The following IL1RAPL1 variants were observed in gnomAD, a reference collection of about 807,000 sequenced individuals.
IL1RAPL1 encodes the protein interleukin-1 receptor accessory protein-like 1.
A neutral mutation model predicts 48.4 loss-of-function variants in IL1RAPL1; 3 were observed. The ratio of observed to expected loss-of-function variants is 0.06; its 90% CI spans 0.03 to 0.16. IL1RAPL1 has a LOEUF of 0.16. Among genes scored for constraint, IL1RAPL1 ranks in the 10% least tolerant of loss-of-function variants. The probability of loss-of-function intolerance (pLI) is 1.00; values close to 1 mark genes in which losing one functional copy is unlikely to be tolerated. For missense variants in IL1RAPL1, 349 were observed against 530.6 expected (o/e 0.66, Z 3.36); for synonymous variants, 185 against 187.7 (o/e 0.99, Z 0.12).
chrX:28,669,932 CAA>C (rs1176114955), intron 1 of IL1RAPL1, among the ~76,000 whole-genome samples: 3 of 108,906 alleles, frequency 2.8e-5, no homozygotes, highest in African/African-American at 1.0e-4. Flanking sequence ...TGGATAAATA[CAA>C]AAGTTTTCTC....
intron 2 of IL1RAPL1, among the ~76,000 whole-genome samples, chrX:28,909,210 A>G (rs1923297668): frequency 1.8e-5 from 2 of 111,625 alleles, no homozygotes; most frequent in Non-Finnish European, 3.8e-5. Context: ...AGATGGATTA[A>G]TGACTGTCAT....
chrX:29,441,743 A>G (rs1392922662), intron 5 of IL1RAPL1, among the ~76,000 whole-genome samples: 1 of 112,197 alleles, frequency 8.9e-6, no homozygotes, highest in East Asian at 2.8e-4. Context: ...GTGAGAATGG[A>G]AAGACTCATT....
intron 2 of IL1RAPL1, among the ~76,000 whole-genome samples, chrX:29,195,288 G>A (rs776117370): frequency 9.0e-6 from 1 of 111,387 alleles, no homozygotes; most frequent in East Asian, 2.8e-4. Context: ...GTGCACAAAT[G>A]ATTACAGTAT....
intron 6 of IL1RAPL1, among the ~76,000 whole-genome samples, chrX:29,784,684 A>T (rs971487940): frequency 1.4e-3 from 47 of 32,878 alleles, no homozygotes; most frequent in African/African-American, 4.5e-3. Context: ...TATTATCTTA[A>T]AAAAAAAAAA....
At chrX:29,199,086 A>G (rs1169601938) in intron 2 of IL1RAPL1, among the ~76,000 whole-genome samples, 2 of 112,112 alleles carry the variant, frequency 1.8e-5, no homozygotes, top group African/African-American at 3.2e-5. Context: ...TATTTAGGAT[A>G]TAATTGAACA....
At chrX:28,877,571 G>T (rs756492521) in intron 2 of IL1RAPL1, among the ~76,000 whole-genome samples, 2 of 112,159 alleles carry the variant, frequency 1.8e-5, no homozygotes, top group South Asian at 7.3e-4. Flanking sequence ...TGGACAAAAT[G>T]ATGTAACTAA....
chrX:28,917,962 A>G (rs1474559750), intron 2 of IL1RAPL1, among the ~76,000 whole-genome samples: 1 of 112,197 alleles, frequency 8.9e-6, no homozygotes, highest in Admixed American at 9.5e-5. Context: ...CTTATTTTAT[A>G]TGTATGAGGT....
intron 6 of IL1RAPL1, among the ~76,000 whole-genome samples, chrX:29,678,394 C>T (rs747306026): frequency 2.6e-5 from 2 of 77,149 alleles, no homozygotes; most frequent in South Asian, 2.1e-3. Context: ...CTCGCTGTGT[C>T]GCCCAGGCTG....
intron 2 of IL1RAPL1, among the ~76,000 whole-genome samples, chrX:28,795,977 G>A (rs1936606796): frequency 9.0e-6 from 1 of 111,470 alleles, no homozygotes; most frequent in African/African-American, 3.3e-5. Context: ...CATATGGCTG[G>A]GGAAGCCTCA....
At chrX:29,034,703 A>C (rs1926692470) in intron 2 of IL1RAPL1, among the ~76,000 whole-genome samples, 1 of 111,801 alleles carries the variant, frequency 8.9e-6, no homozygotes, top group Non-Finnish European at 1.9e-5. Flanking sequence ...TGGCTTTAGA[A>C]TCTTTCATTT....
At chrX:29,923,261 T>C (rs1309273774) in intron 8 of IL1RAPL1, among the ~76,000 whole-genome samples, 1 of 112,506 alleles carries the variant, frequency 8.9e-6, no homozygotes, top group Non-Finnish European at 1.9e-5. Context: ...GCAGAAAATC[T>C]ACCAAGAAAT....
intron 3 of IL1RAPL1, among the ~76,000 whole-genome samples, chrX:29,378,554 C>T (rs1374979554): frequency 2.7e-5 from 3 of 112,148 alleles, no homozygotes; most frequent in African/African-American, 9.7e-5. Context: ...TTTGTTTCTG[C>T]GTGTTTTCTG....
At chrX:28,873,787 TC>T (rs1374017177) in intron 2 of IL1RAPL1, among the ~76,000 whole-genome samples, 2 of 109,277 alleles carry the variant, frequency 1.8e-5, no homozygotes, top group African/African-American at 6.7e-5. Flanking sequence ...CGCCTTGGCC[TC>T]CCAAAGTGCT....
At position 29,716,896 on chromosome X, in the gene IL1RAPL1, G is replaced by A. The variant is rs187781346; in HGVS notation, c.778+48392G>A. ...AGGGAACTGATTTGAATGTAAAATT[G>A]TTTATTTTGAAGTACATGTATGCCA... On this transcript the variant is annotated intron_variant, in intron 6 of 10. Coordinates refer to ENST00000378993, the MANE Select transcript of IL1RAPL1 (RefSeq NM_014271.4). Among the ~76,000 whole-genome samples the A allele has an allele frequency of 4.5e-5, 5 of 110,879 alleles. No individual in the cohort carries two copies. In the Admixed American group the frequency reaches 4.8e-4, roughly 11 times the overall value.
chrX:28,634,415 A>G lies in IL1RAPL1; in HGVS notation c.-25+46368A>G, dbSNP rs189543564. 3.0e-3 allele frequency among the ~76,000 whole-genome samples: 334 copies of G among 109,541 alleles called. 1 individual carries two copies. The highest frequency in any genetic ancestry group is 0.01 in the African/African-American group (307 of 30,182). ...TATATACGTATACACGTATGTATAC[A>G]TATATACGTATGTATATATACACGT... is the stretch of plus-strand genomic sequence containing the variant. On this transcript the variant is annotated intron_variant, in intron 1 of 10. Coordinates refer to ENST00000378993, the MANE Select transcript of IL1RAPL1 (RefSeq NM_014271.4).
chrX:29,269,471 G>A (rs1165146088), intron 2 of IL1RAPL1, among the ~76,000 whole-genome samples: 1 of 110,732 alleles, frequency 9.0e-6, no homozygotes, highest in East Asian at 2.8e-4. Context: ...CAAAGATAGG[G>A]GAAAATAAAA....
chrX:29,757,179 C>T (rs1248662004), intron 6 of IL1RAPL1, among the ~76,000 whole-genome samples: 1 of 111,249 alleles, frequency 9.0e-6, no homozygotes, highest in Non-Finnish European at 1.9e-5. Flanking sequence ...AACAGATAGC[C>T]AAAATAAATT....
chrX:29,073,991 G>T (rs1927619374), intron 2 of IL1RAPL1, among the ~76,000 whole-genome samples: 1 of 111,318 alleles, frequency 9.0e-6, no homozygotes. Flanking sequence ...AACAGAAGGG[G>T]TTTTACAGTA....
chrX:29,616,358 TA>T (rs1187030603), intron 5 of IL1RAPL1, among the ~76,000 whole-genome samples: 3 of 108,430 alleles, frequency 2.8e-5, no homozygotes, highest in Non-Finnish European at 3.8e-5. Flanking sequence ...CTTTAAGTTT[TA>T]GGGTACATGT....
Sources: allele counts gnomAD v4.1 joint callset (sites outside exome capture counted in the v4.1 genomes callset), GRCh38; gene constraint gnomAD v4.1.1; transcripts MANE v1.5; gene names NCBI Gene and HGNC (gene_info 2026-07-23, HGNC 2026-07-21).